The following SMOC1 variants were observed in gnomAD, a reference collection of about 807,000 sequenced individuals.
SMOC1 encodes SPARC related modular calcium binding 1, also known as SPARC-related modular calcium-binding protein 1.
Under a neutral mutation model 56.3 loss-of-function variants are expected in SMOC1, and 22 were observed. That is an observed-to-expected ratio of 0.39 (90% CI 0.28 to 0.56). The LOEUF (loss-of-function observed/expected upper bound fraction) is 0.56, where lower values mean the gene tolerates loss of function less well. Ranked by LOEUF, SMOC1 falls within the 20% of genes least tolerant of loss-of-function variation. The pLI is 0.61. For synonymous variants in SMOC1, 193 were observed against 215.0 expected, an observed-to-expected ratio of 0.90 and a Z score of 0.89; for missense variants, 509 against 565.4, an observed-to-expected ratio of 0.90 and a Z score of 1.01.
intron 6 of SMOC1, chr14:69,994,189 C>T (rs745577912): frequency 2.6e-4 from 165 of 635,364 alleles, no homozygotes; most frequent in Middle Eastern, 3.7e-4. Flanking sequence ...CTTCCCAGCA[C>T]AGGATGCCCT....
intron 1 of SMOC1, among the ~76,000 whole-genome samples, chr14:69,937,260 A>G (rs751921349): frequency 2.0e-5 from 3 of 152,206 alleles, no homozygotes; most frequent in Admixed American, 6.5e-5. Flanking sequence ...TCTCTCAATC[A>G]GTTTGCCTAA....
chr14:69,994,353 T>C (rs372176600), intron 6 of SMOC1, 47 bp from the exon 7 acceptor site: 6 of 1,448,238 alleles, frequency 4.1e-6, no homozygotes, highest in Admixed American at 1.7e-5. Context: ...TCCACTCACA[T>C]AGTCTCTTTG....
At chr14:69,987,171 G>A (rs1280226205) in intron 5 of SMOC1, among the ~76,000 whole-genome samples, 1 of 152,188 alleles carries the variant, frequency 6.6e-6, no homozygotes, top group African/African-American at 2.4e-5. Flanking sequence ...TTCAAAGCAA[G>A]AACCTTCGAG....
chr14:69,921,607 G>A (rs970097897), intron 1 of SMOC1, among the ~76,000 whole-genome samples: 1 of 152,198 alleles, frequency 6.6e-6, no homozygotes, highest in African/African-American at 2.4e-5. Flanking sequence ...TGCCTGGTCT[G>A]TGTGGGGTTT....
chr14:69,932,364 G>T (rs768393316), intron 1 of SMOC1, among the ~76,000 whole-genome samples: 3 of 152,124 alleles, frequency 2.0e-5, no homozygotes, highest in Non-Finnish European at 2.9e-5. Context: ...TGCTGCGCTG[G>T]GGCCTTCCGG....
At chr14:70,016,139 G>A (rs372845887) in intron 10 of SMOC1, among the ~76,000 whole-genome samples, 19 of 152,266 alleles carry the variant, frequency 1.2e-4, no homozygotes, top group African/African-American at 2.4e-4. Flanking sequence ...GGTGGGGGAC[G>A]CAGATGGGCC....
intron 7 of SMOC1, among the ~76,000 whole-genome samples, chr14:69,997,976 C>T (rs1443635074): frequency 1.3e-5 from 2 of 152,200 alleles, no homozygotes; most frequent in Non-Finnish European, 2.9e-5. Context: ...ACACCCCACA[C>T]ATCCTTTTTT....
chr14:69,998,765 C>T (rs1312845727), intron 7 of SMOC1, among the ~76,000 whole-genome samples: 1 of 152,236 alleles, frequency 6.6e-6, no homozygotes, highest in Non-Finnish European at 1.5e-5. Flanking sequence ...TTTCCTTCTG[C>T]CCTGGGGGCT....
chr14:69,943,147 G>T (rs1299866289), intron 1 of SMOC1, among the ~76,000 whole-genome samples: 1 of 152,186 alleles, frequency 6.6e-6, no homozygotes, highest in Non-Finnish European at 1.5e-5. Context: ...GGCTCCAGCT[G>T]CCCAACAGCT....
At chr14:69,976,372 A>G (rs1476917305) in intron 4 of SMOC1, among the ~76,000 whole-genome samples, 1 of 152,234 alleles carries the variant, frequency 6.6e-6, no homozygotes, top group East Asian at 1.9e-4. Flanking sequence ...GAGAACCCAG[A>G]TATCGAGGCT....
At chr14:70,023,714 A>G (rs117684045) in intron 11 of SMOC1, among the ~76,000 whole-genome samples, 2,758 of 152,286 alleles carry the variant, frequency 0.018, 32 homozygotes, top group Non-Finnish European at 0.029. Context: ...GGGCCAGGCT[A>G]CAGTCACAAG....
At chr14:70,030,182 T>A (rs1456215405) in intron 11 of SMOC1, 60 bp from the exon 12 acceptor site, 7 of 1,606,372 alleles carry the variant, frequency 4.4e-6, no homozygotes, top group Non-Finnish European at 5.9e-6. Context: ...TCTAACTTCT[T>A]GCTTATATCT....
chr14:69,954,143 T>C (rs1379394645), intron 3 of SMOC1, among the ~76,000 whole-genome samples: 2 of 152,202 alleles, frequency 1.3e-5, no homozygotes, highest in Non-Finnish European at 2.9e-5. Context: ...ACTGTGTTGA[T>C]CTTGGCACAG....
intron 7 of SMOC1, 148 bp from the exon 8 acceptor site, chr14:70,010,606 C>T: frequency 1.2e-6 from 1 of 828,580 alleles, no homozygotes. Context: ...TGGGAGACAG[C>T]TCTCTGTGGT....
At chr14:69,992,820 T>C (rs1245409335) in intron 6 of SMOC1, among the ~76,000 whole-genome samples, 1 of 152,068 alleles carries the variant, frequency 6.6e-6, no homozygotes. Flanking sequence ...AGTAAATTAA[T>C]TGGCACTTGC....
intron 3 of SMOC1, among the ~76,000 whole-genome samples, chr14:69,956,434 A>G (rs1594822304): frequency 1.4e-5 from 2 of 145,274 alleles, no homozygotes; most frequent in South Asian, 4.4e-4. Flanking sequence ...TCCAACCTCC[A>G]TCACTTAGCT....
At chr14:69,983,477 G>A (rs1884253561) in intron 5 of SMOC1, among the ~76,000 whole-genome samples, 1 of 152,156 alleles carries the variant, frequency 6.6e-6, no homozygotes, top group Admixed American at 6.5e-5. Context: ...TCATCTTCAG[G>A]TGGAGGAAAA....
intron 1 of SMOC1, among the ~76,000 whole-genome samples, chr14:69,900,067 C>G (rs1884203194): frequency 6.6e-6 from 1 of 152,206 alleles, no homozygotes; most frequent in Non-Finnish European, 1.5e-5. Flanking sequence ...ACTCCAGACA[C>G]ACACAAACAG....
chr14:70,022,235 C>G (rs1203392158), intron 10 of SMOC1, among the ~76,000 whole-genome samples: 2 of 152,230 alleles, frequency 1.3e-5, no homozygotes, highest in African/African-American at 4.8e-5. Context: ...TAGTAGTTAT[C>G]ACCCTGACTC....
Sources: gnomAD v4.1 joint callset for allele counts (sites outside exome capture counted in the v4.1 genomes callset) on GRCh38, gnomAD v4.1.1 for gene constraint, MANE v1.5 for transcripts, NCBI Gene and HGNC (gene_info 2026-07-23, HGNC 2026-07-21) for gene names.